SLCO3A1: variants seen among roughly 807,000 people sequenced by gnomAD.
SLCO3A1 encodes PGE1 transporter.
Under a neutral mutation model 63.1 loss-of-function variants are expected in SLCO3A1, and 27 were observed. The observed-to-expected ratio is 0.43, with a 90% CI of 0.32 to 0.59. SLCO3A1 has a LOEUF of 0.59. Ranked by LOEUF, SLCO3A1 falls within the 20% of genes least tolerant of loss-of-function variation. SLCO3A1 has a pLI of 0.09. For synonymous variants in SLCO3A1, 473 were observed against 409.9 expected (o/e 1.15, Z -1.86); for missense variants, 773 against 945.8 (o/e 0.82, Z 2.40).
chr15:91,910,167 G>A (rs74028369), intron 1 of SLCO3A1, among the ~76,000 whole-genome samples: 2,607 of 152,176 alleles, frequency 0.017, 66 homozygotes, highest in African/African-American at 0.06. Flanking sequence ...CCTCCTTGAC[G>A]CCACTGATCT....
chr15:92,051,828 C>T (rs1288360627), intron 2 of SLCO3A1, among the ~76,000 whole-genome samples: 5 of 152,188 alleles, frequency 3.3e-5, no homozygotes, highest in Non-Finnish European at 7.3e-5. Flanking sequence ...TTAGTTCAAG[C>T]TGGACAGAAA....
chr15:91,913,448 C>G (rs1466907384), intron 1 of SLCO3A1, among the ~76,000 whole-genome samples: 1 of 152,220 alleles, frequency 6.6e-6, no homozygotes, highest in Non-Finnish European at 1.5e-5. Flanking sequence ...GTCAGAACCT[C>G]CCAGGTGGGA....
At chr15:92,129,222 T>C (rs1440336554) in intron 7 of SLCO3A1, among the ~76,000 whole-genome samples, 1 of 152,188 alleles carries the variant, frequency 6.6e-6, no homozygotes, top group Admixed American at 6.5e-5. Context: ...ATGTCCTTCG[T>C]TTTCTTCAAC....
At chr15:92,071,074 G>T (rs1490163405) in intron 2 of SLCO3A1, among the ~76,000 whole-genome samples, 1 of 152,194 alleles carries the variant, frequency 6.6e-6, no homozygotes, top group Non-Finnish European at 1.5e-5. Flanking sequence ...TAGCTCTTTT[G>T]CCCCCTTTTC....
At chr15:92,009,951 A>C (rs1441959224) in intron 2 of SLCO3A1, among the ~76,000 whole-genome samples, 1 of 152,094 alleles carries the variant, frequency 6.6e-6, no homozygotes, top group Admixed American at 6.5e-5. Flanking sequence ...GGCACATGGA[A>C]GTCTTATGGA....
intron 5 of SLCO3A1, among the ~76,000 whole-genome samples, chr15:92,120,884 G>T (rs1049659235): frequency 6.6e-6 from 1 of 152,178 alleles, no homozygotes; most frequent in East Asian, 1.9e-4. Context: ...CCAGTAAGTC[G>T]ATAGATGGGT....
chr15:92,159,750 A>G (rs1271218020), intron 9 of SLCO3A1, among the ~76,000 whole-genome samples: 8 of 152,062 alleles, frequency 5.3e-5, no homozygotes, highest in Non-Finnish European at 1.2e-4. Context: ...GAGCTTGACA[A>G]TAGGCAAGAT....
intron 9 of SLCO3A1, among the ~76,000 whole-genome samples, chr15:92,159,168 T>G (rs964676030): frequency 1.3e-5 from 2 of 152,178 alleles, no homozygotes; most frequent in Non-Finnish European, 2.9e-5. Flanking sequence ...AGTGACTTTC[T>G]CCAGGACTTT....
chr15:91,988,326 G>GCC (rs1289156508), intron 2 of SLCO3A1, among the ~76,000 whole-genome samples: 2 of 152,164 alleles, frequency 1.3e-5, no homozygotes, highest in Admixed American at 6.5e-5. Flanking sequence ...GGGTGACAGA[G>GCC]TGAGGCCCTG....
chr15:92,016,208 G>GATACATAGATAC (rs200144450), intron 2 of SLCO3A1, among the ~76,000 whole-genome samples: 11 of 105,178 alleles, frequency 1.0e-4, no homozygotes, highest in Non-Finnish European at 3.8e-5. Flanking sequence ...TATTTATATA[G>GATACATAGATAC]ATAGATAGAT....
At chr15:92,055,066 C>G (rs182632903) in intron 2 of SLCO3A1, among the ~76,000 whole-genome samples, 1 of 152,182 alleles carries the variant, frequency 6.6e-6, no homozygotes, top group African/African-American at 2.4e-5. Context: ...ACATTCCCAC[C>G]AACAGTGTAA....
At chr15:91,992,864 T>A (rs894893688) in intron 2 of SLCO3A1, among the ~76,000 whole-genome samples, 1 of 152,086 alleles carries the variant, frequency 6.6e-6, no homozygotes, top group Non-Finnish European at 1.5e-5. Context: ...ATTGGAAAGG[T>A]CATCCTAGGG....
At chr15:92,115,364 C>T (rs1249735319) in intron 4 of SLCO3A1, among the ~76,000 whole-genome samples, 1 of 152,126 alleles carries the variant, frequency 6.6e-6, no homozygotes, top group African/African-American at 2.4e-5. Flanking sequence ...TCTGCTAGCT[C>T]ACCAAGCAGC....
chr15:91,913,109 G>A (rs1442475902), intron 1 of SLCO3A1, among the ~76,000 whole-genome samples: 1 of 152,232 alleles, frequency 6.6e-6, no homozygotes, highest in Non-Finnish European at 1.5e-5. Flanking sequence ...GCCAGGACTA[G>A]CTAAACTTCG....
intron 5 of SLCO3A1, among the ~76,000 whole-genome samples, chr15:92,125,439 A>G (rs1159036270): frequency 6.6e-6 from 1 of 152,122 alleles, no homozygotes; most frequent in Non-Finnish European, 1.5e-5. Context: ...AAGAGAGAGA[A>G]AGGAAAAAAT....
intron 2 of SLCO3A1, among the ~76,000 whole-genome samples, chr15:92,062,638 T>C (rs1229035726): frequency 6.6e-6 from 1 of 152,152 alleles, no homozygotes; most frequent in African/African-American, 2.4e-5. Flanking sequence ...TTTCAGACAC[T>C]GGCAAGCTGT....
At chr15:92,071,640 G>A (rs889937081) in intron 2 of SLCO3A1, among the ~76,000 whole-genome samples, 1 of 152,222 alleles carries the variant, frequency 6.6e-6, no homozygotes, top group Non-Finnish European at 1.5e-5. Context: ...CAGTGTAGGA[G>A]GGAACGCAGG....
chr15:92,170,451 C>T (rs528865722), downstream of SLCO3A1, among the ~76,000 whole-genome samples: 5 of 152,336 alleles, frequency 3.3e-5, no homozygotes, highest in South Asian at 1.0e-3. Context: ...CTTCACAGGT[C>T]TGAAAACTAA....
intron 2 of SLCO3A1, among the ~76,000 whole-genome samples, chr15:92,081,134 A>C (rs2047340613): frequency 6.6e-6 from 1 of 152,086 alleles, no homozygotes; most frequent in Admixed American, 6.6e-5. Flanking sequence ...TTTAAATGTA[A>C]AATAAATTAC....
Sources: allele counts gnomAD v4.1 joint callset (sites outside exome capture counted in the v4.1 genomes callset), GRCh38; gene constraint gnomAD v4.1.1; transcripts MANE v1.5; gene names NCBI Gene and HGNC (gene_info 2026-07-23, HGNC 2026-07-21).